The following IGF2BP3 variants were observed in gnomAD, a reference collection of about 807,000 sequenced individuals.
The protein encoded by IGF2BP3 is insulin-like growth factor 2 mRNA-binding protein 3.
IGF2BP3 carries 9 observed loss-of-function variants against 73.8 expected under a neutral mutation model. That is an observed-to-expected ratio of 0.12 (90% CI 0.07 to 0.21). The LOEUF is 0.21. IGF2BP3 is among the 10% of genes least tolerant of loss of function. The pLI is 1.00. For synonymous variants in IGF2BP3, 258 were observed against 256.7 expected, an observed-to-expected ratio of 1.01 and a Z score of -0.05; for missense variants, 542 against 714.0, an observed-to-expected ratio of 0.76 and a Z score of 2.75.
At chr7:23,443,825 C>A (rs1230665460) in intron 2 of IGF2BP3, among the ~76,000 whole-genome samples, 3 of 151,756 alleles carry the variant, frequency 2.0e-5, no homozygotes, top group Non-Finnish European at 4.4e-5. Context: ...CTGGCTAACA[C>A]GGTGAAACCC....
chr7:23,384,494 A>G (rs1274525981), intron 3 of IGF2BP3, among the ~76,000 whole-genome samples: 1 of 152,234 alleles, frequency 6.6e-6, no homozygotes, highest in Non-Finnish European at 1.5e-5. Flanking sequence ...ATTTATAAGA[A>G]TGAGACTGGA....
intron 10 of IGF2BP3, among the ~76,000 whole-genome samples, chr7:23,319,862 C>A (rs554681281): frequency 6.6e-6 from 1 of 152,248 alleles, no homozygotes; most frequent in Middle Eastern, 3.4e-3. Context: ...TGGTAAGATG[C>A]CCTAAGATGC....
chr7:23,372,903 GA>G (rs1415386876), intron 3 of IGF2BP3, among the ~76,000 whole-genome samples: 1 of 152,184 alleles, frequency 6.6e-6, no homozygotes, highest in African/African-American at 2.4e-5. Context: ...CTGCAGCACA[GA>G]AAAGTTCACA....
intron 9 of IGF2BP3, among the ~76,000 whole-genome samples, chr7:23,342,494 A>G (rs1784737292): frequency 1.3e-5 from 2 of 152,188 alleles, no homozygotes; most frequent in Admixed American, 6.5e-5. Context: ...CGTATTCTGC[A>G]TGCTGTGGGC....
intron 3 of IGF2BP3, among the ~76,000 whole-genome samples, chr7:23,372,585 T>C (rs2128512579): frequency 6.6e-6 from 1 of 152,300 alleles, no homozygotes; most frequent in African/African-American, 2.4e-5. Context: ...GTTTGGTTTT[T>C]CCATTCCTGA....
intron 3 of IGF2BP3, among the ~76,000 whole-genome samples, chr7:23,372,352 T>A (rs939785308): frequency 6.6e-6 from 1 of 152,154 alleles, no homozygotes; most frequent in Non-Finnish European, 1.5e-5. Flanking sequence ...GGATTACAGG[T>A]GTGAGCCACT....
At chr7:23,427,556 C>T (rs934869869) in intron 2 of IGF2BP3, among the ~76,000 whole-genome samples, 1 of 151,890 alleles carries the variant, frequency 6.6e-6, no homozygotes, top group Non-Finnish European at 1.5e-5. Flanking sequence ...AGCGAGACCT[C>T]GTCTCTACAA....
chr7:23,333,926 T>C (rs1784507760), intron 10 of IGF2BP3, among the ~76,000 whole-genome samples: 1 of 152,214 alleles, frequency 6.6e-6, no homozygotes, highest in African/African-American at 2.4e-5. Flanking sequence ...AACCAAAGAT[T>C]ACTTTTCAAG....
chr7:23,460,822 G>A (rs544692569), intron 2 of IGF2BP3, among the ~76,000 whole-genome samples: 14 of 152,150 alleles, frequency 9.2e-5, no homozygotes, highest in East Asian at 5.8e-4. Flanking sequence ...ATGGTGGTGC[G>A]CACCTGTAGT....
intron 3 of IGF2BP3, among the ~76,000 whole-genome samples, chr7:23,384,820 G>A (rs192254922): frequency 1.3e-5 from 2 of 152,276 alleles, no homozygotes; most frequent in Non-Finnish European, 2.9e-5. Context: ...GAGCCTCAGA[G>A]GCAAAGGTTG....
At chr7:23,440,687 C>A (rs12532727) in intron 2 of IGF2BP3, among the ~76,000 whole-genome samples, 3 of 152,246 alleles carry the variant, frequency 2.0e-5, no homozygotes, top group African/African-American at 7.2e-5. Context: ...GAGCGGCACA[C>A]CAGGACTCCA....
intron 3 of IGF2BP3, among the ~76,000 whole-genome samples, chr7:23,402,057 C>T (rs1178079019): frequency 2.0e-5 from 3 of 152,130 alleles, no homozygotes; most frequent in Non-Finnish European, 4.4e-5. Context: ...GCAGAGGCTG[C>T]AGTGAGCCGA....
intron 2 of IGF2BP3, among the ~76,000 whole-genome samples, chr7:23,441,362 C>G (rs1787928338): frequency 6.6e-6 from 1 of 151,890 alleles, no homozygotes; most frequent in African/African-American, 2.4e-5. Flanking sequence ...ATCATGAGGT[C>G]AAGAGATCGA....
intron 3 of IGF2BP3, chr7:23,362,740 A>T (rs1245579070): frequency 6.6e-6 from 1 of 152,110 alleles, no homozygotes; most frequent in Non-Finnish European, 1.5e-5. Flanking sequence ...GTTTAACTAC[A>T]AATTTTCTTA....
chr7:23,376,639 G>C (rs936847955), intron 3 of IGF2BP3, among the ~76,000 whole-genome samples: 16 of 152,170 alleles, frequency 1.1e-4, no homozygotes, highest in Middle Eastern at 3.4e-3. Context: ...GCCCGAGGCA[G>C]GCGGATCGCT....
At chr7:23,391,732 T>TA (rs1786283595) in intron 3 of IGF2BP3, among the ~76,000 whole-genome samples, 2 of 152,172 alleles carry the variant, frequency 1.3e-5, no homozygotes, top group African/African-American at 4.8e-5. Context: ...TTTAAAATGA[T>TA]AAAAAGCACT....
At position 23,341,759 on chromosome 7, in the gene IGF2BP3, AAAAAAAG is replaced by A. The variant is rs1230349535; in HGVS notation, c.1203+298_1203+304del. On this transcript the variant is annotated intron_variant, in intron 10 of 14. Transcript: ENST00000258729. ...CATGTATCCGAGAACTTAGAATAAA[AAAAAAAG>A]AAAAAAGAAAAAAGAAAAAAAATTT... Among the ~76,000 whole-genome samples the A allele has an allele frequency of 5.3e-4, 80 of 152,234 alleles. 2 individuals are homozygous for A. The highest frequency in any genetic ancestry group is 1.5e-3 in the African/African-American group (61 of 41,580).
intron 10 of IGF2BP3, among the ~76,000 whole-genome samples, chr7:23,320,527 T>C (rs1421821416): frequency 6.6e-6 from 1 of 152,038 alleles, no homozygotes; most frequent in Non-Finnish European, 1.5e-5. Flanking sequence ...TTTGTTTACC[T>C]TCTAACAATA....
At chr7:23,439,280 C>T (rs921950561) in intron 2 of IGF2BP3, among the ~76,000 whole-genome samples, 4 of 151,780 alleles carry the variant, frequency 2.6e-5, no homozygotes, top group African/African-American at 9.7e-5. Context: ...TGGCCGGGCA[C>T]GGTGGCTCAC....
Sources: gnomAD v4.1 joint callset for allele counts (sites outside exome capture counted in the v4.1 genomes callset) on GRCh38, gnomAD v4.1.1 for gene constraint, MANE v1.5 for transcripts, NCBI Gene and HGNC (gene_info 2026-07-23, HGNC 2026-07-21) for gene names.